Variants in MAP10 observed in about 807,000 individuals in gnomAD.
MAP10 encodes the protein microtubule associated protein 10, also known as microtubule-associated protein 10.
In MAP10, 10 loss-of-function variants were observed where a neutral mutation model predicts 6.3. The ratio of observed to expected loss-of-function variants is 1.58; its 90% CI spans 0.98 to 2.69. The LOEUF is 2.69. MAP10 is among the 30% of genes most tolerant of loss of function. The pLI is 0.00. For synonymous variants in MAP10, 459 were observed against 429.3 expected (o/e 1.07, Z -0.86); for missense variants, 1,189 against 1,086.5 (o/e 1.09, Z -1.33).
In MAP10 at chr1:232,807,028, A is replaced by C. The variant is rs1666117873; in HGVS notation, c.1579A>C (p.Arg527=). The C allele has an allele frequency of 1.2e-6, 2 of 1,613,124 alleles. No homozygotes were observed. Among genetic ancestry groups the C allele is most frequent in the African/African-American group, 1.3e-5 (1 of 74,870 alleles). ...TGAAAAAAGAGAACTATATAGAAAAAGACAATCACAAATGTTGGGTACAAA... is the reference window on the plus strand; with the variant it reads ...TGAAAAAAGAGAACTATATAGAAAACGACAATCACAAATGTTGGGTACAAA... ...VHEKRELYRK[R]QSQMLGTKFR... is the part of the protein sequence containing the mutation. Residue 527 remains arginine, a synonymous_variant, in exon 1 of 1, where the codon AGA becomes CGA. Coordinates refer to ENST00000418460, the MANE Select transcript of MAP10 (RefSeq NM_019090.3).
rs1666131794 is a variant in MAP10 at position 232,807,653 on chromosome 1, C to G, written c.2204C>G (p.Pro735Arg). Residue 735 changes from proline to arginine, a missense_variant, in exon 1 of 1, where the codon CCA becomes CGA. Coordinates refer to ENST00000418460, the MANE Select transcript of MAP10 (RefSeq NM_019090.3). ...GATAGCAGTTCAAGGACAGAAAATCCAAAACATAGTCAATATACAAGCAAG... is the reference window on the plus strand; with the variant it reads ...GATAGCAGTTCAAGGACAGAAAATCGAAAACATAGTCAATATACAAGCAAG... ...AHDSSSRTEN[P>R]KHSQYTSKSS... 1 of 1,611,162 alleles carries G rather than the reference C, an allele frequency of 6.2e-7. No individual in the cohort carries two copies. Among genetic ancestry groups the G allele is most frequent in the Non-Finnish European group, 8.5e-7 (1 of 1,178,532 alleles).
At position 232,807,435 on chromosome 1, in the gene MAP10, G is replaced by A. The variant is rs1160735621; in HGVS notation, c.1986G>A (p.Lys662=). The change falls in exon 1 of 1, where the codon AAG becomes AAA. Residue 662 remains lysine (K), a synonymous_variant. Transcript: ENST00000418460. The part of the protein sequence containing the change: ...QDAVVDRIVD[K]EIDIRQVKTT... ...CTGTTGTTGACAGAATTGTAGATAAGGAAATAGATATTAGACAGGTCAAAA... is the reference window on the plus strand; with the variant it reads ...CTGTTGTTGACAGAATTGTAGATAAAGAAATAGATATTAGACAGGTCAAAA... 1.2e-6 allele frequency: 2 copies of A among 1,613,726 alleles called. No individual in the cohort carries two copies. The highest frequency in any genetic ancestry group is 1.7e-6 in the Non-Finnish European group (2 of 1,179,806).
the MAP10 span, chr1:232,806,957 TAA>T: frequency 6.2e-7 from 1 of 1,612,458 alleles, no homozygotes; most frequent in Non-Finnish European, 8.5e-7. Flanking sequence ...ACAAATACAC[TAA>T]GACTACGTTT....
chr1:232,806,086 C>T, the MAP10 span: 1 of 1,613,814 alleles, frequency 6.2e-7, no homozygotes, highest in African/African-American at 1.3e-5. Context: ...CCAAACCCAG[C>T]AGGAAAGACA....
Position 232,805,664 on chromosome 1 carries a change from C to T in MAP10, c.215C>T (p.Pro72Leu), listed in dbSNP as rs773892733. 12 of 1,596,866 alleles carry T rather than the reference C, an allele frequency of 7.5e-6. No homozygotes were observed. The highest frequency in any genetic ancestry group is 1.1e-5 in the South Asian group (1 of 89,428). Residue 72 changes from proline to leucine, a missense_variant, in exon 1 of 1, where the codon CCT (proline) becomes CTT (leucine). Transcript: ENST00000418460. The part of the protein sequence containing the change: ...LDFPTLLVYP[P>L]DGPGAPAAEP... ...TTCCCCACGCTGTTGGTTTACCCTCCTGACGGCCCCGGCGCTCCCGCCGCC... is the reference window on the plus strand; with the variant it reads ...TTCCCCACGCTGTTGGTTTACCCTCTTGACGGCCCCGGCGCTCCCGCCGCC...
chr1:232,805,562 A>G lies in MAP10; in HGVS notation c.113A>G (p.Glu38Gly), dbSNP rs769131375. The G allele has an allele frequency of 2.4e-5, 37 of 1,557,722 alleles. No homozygotes were observed. The East Asian group carries it at 5.8e-4, about 24-fold the overall frequency. Residue 38 changes from glutamate (E) to glycine (G), a missense_variant, in exon 1 of 1, where the codon GAA (glutamate) becomes GGA (glycine). Transcript: ENST00000418460. ...GCTGCCGCAGTGGAGCAGGAGGAGG[A>G]AGAGGAGGAAAAGGAGCAGGGGGAG... ...SPAAAVEQEE[E>G]EEEKEQGEAS... is the part of the protein sequence containing the mutation.
the MAP10 span, chr1:232,805,468 G>T: frequency 6.2e-7 from 1 of 1,600,750 alleles, no homozygotes; most frequent in East Asian, 2.3e-5. Flanking sequence ...CTCGCTGTCC[G>T]AGCGGCTCTT....
At position 232,805,768 on chromosome 1, in the gene MAP10, C is replaced by T. The variant is rs927124914; in HGVS notation, c.319C>T (p.Arg107Trp). The T allele has an allele frequency of 8.7e-6, 14 of 1,600,420 alleles. No homozygotes were observed. The highest frequency in any genetic ancestry group is 1.3e-5 in the African/African-American group (1 of 74,726). The change falls in exon 1 of 1, where the codon CGG becomes TGG. Residue 107 changes from arginine (R) to tryptophan (W), a missense_variant. By Grantham distance (101) the Arg-to-Trp change is moderately radical. Transcript: ENST00000418460. The stretch of plus-strand genomic sequence containing the variant: ...CCTGCAGCCTGCTACCCTGCACTGC[C>T]GGCTCCTGCGGACCCCGCTTGCCAC... ...FRLQPATLHC[R>W]LLRTPLATLL... is the part of the protein sequence containing the mutation.
Position 232,806,429 on chromosome 1 carries a change from T to C in MAP10, c.980T>C (p.Met327Thr). Reference sequence around the variant, plus strand: ...GCTAAAATCACCATTGAGCCTCAAATGAATGCACCTGAGGAAATGGATGAT... The same window carrying C: ...GCTAAAATCACCATTGAGCCTCAAACGAATGCACCTGAGGAAATGGATGAT... ...AQAKITIEPQ[M>T]NAPEEMDDAS... Residue 327 changes from methionine to threonine, a missense_variant, in exon 1 of 1, where the codon ATG becomes ACG. Transcript: ENST00000418460. The C allele has an allele frequency of 6.2e-7, 1 of 1,613,824 alleles. No homozygotes were observed. The highest frequency in any genetic ancestry group is 2.2e-5 in the East Asian group (1 of 44,858).
the MAP10 span, chr1:232,807,400 C>T: frequency 6.2e-7 from 1 of 1,613,712 alleles, no homozygotes; most frequent in South Asian, 1.1e-5. Context: ...ATGTGTTTTC[C>T]AACAGGATGC....
In MAP10 at chr1:232,806,468, AAAAGCGTGT is replaced by A. The variant is rs765887159; in HGVS notation, c.1023_1031del (p.Lys341_Val343del). 6.2e-7 allele frequency: 1 copy of A among 1,613,958 alleles called. No individual in the cohort carries two copies. The highest frequency in any genetic ancestry group is 8.5e-7 in the Non-Finnish European group (1 of 1,179,898). The stretch of plus-strand genomic sequence containing the variant: ...GAAATGGATGATGCTTCTCCTGAAA[AAAAGCGTGT>A]AAATCCCCCAGCACACAGGAGTTGT... On this transcript the variant is annotated inframe_deletion, in exon 1 of 1. Coordinates refer to ENST00000418460, the MANE Select transcript of MAP10 (RefSeq NM_019090.3).
chr1:232,805,703 G>A lies in MAP10; in HGVS notation c.254G>A (p.Gly85Asp). 1 of 1,604,442 alleles carries A rather than the reference G, an allele frequency of 6.2e-7. No homozygotes were observed. The highest frequency in any genetic ancestry group is 8.5e-7 in the Non-Finnish European group (1 of 1,179,252). The change falls in exon 1 of 1, where the codon GGT (glycine) becomes GAT (aspartate). Residue 85 changes from glycine (G) to aspartate (D), a missense_variant. By Grantham distance (94) the Gly-to-Asp change is moderately conservative. Transcript: ENST00000418460. The part of the protein sequence containing the change: ...PGAPAAEPWP[G>D]VIRFGRGKSC... ...GCTCCCGCCGCCGAACCGTGGCCCG[G>A]TGTCATCCGCTTCGGTCGCGGCAAG...
Position 232,806,653 on chromosome 1 carries a change from T to A in MAP10, c.1204T>A (p.Leu402Ile), listed in dbSNP as rs1484667400. The change falls in exon 1 of 1, where the codon TTA becomes ATA. Residue 402 changes from leucine to isoleucine, a missense_variant. Physicochemically the swap from Leu to Ile is conservative, Grantham distance 5 (BLOSUM62 2). Transcript: ENST00000418460. ...GCAGTTGCCTTTGTTAAATGCTTTG[T>A]TAGTTGAGTTGTCCTTGTTATATGA... ...IRQLPLLNALLVELSLLYDQP... is the reference protein window; with the variant it reads ...IRQLPLLNALIVELSLLYDQP... The A allele has an allele frequency of 6.2e-7, 1 of 1,613,852 alleles. No individual in the cohort carries two copies. The highest frequency in any genetic ancestry group is 1.7e-5 in the Admixed American group (1 of 60,012).
chr1:232,805,961 G>A lies in MAP10; in HGVS notation c.512G>A (p.Arg171Gln), dbSNP rs771973627. 9 of 1,613,188 alleles carry A rather than the reference G, an allele frequency of 5.6e-6. No homozygotes were observed. In the South Asian group the frequency reaches 8.8e-5, roughly 16 times the overall value. Residue 171 changes from arginine (R) to glutamine (Q), a missense_variant, in exon 1 of 1, where the codon CGG becomes CAG. Physicochemically the swap from Arg to Gln is conservative, Grantham distance 43 (BLOSUM62 1). Coordinates refer to ENST00000418460, the MANE Select transcript of MAP10 (RefSeq NM_019090.3). ...RFPLHNRVGE[R>Q]TGDIALAYRL... is the part of the protein sequence containing the mutation. Reference sequence around the variant, plus strand: ...CCCCTGCATAATCGAGTGGGCGAGCGGACTGGGGACATTGCACTGGCCTAC... The same window carrying A: ...CCCCTGCATAATCGAGTGGGCGAGCAGACTGGGGACATTGCACTGGCCTAC...
At position 232,808,270 on chromosome 1, in the gene MAP10, G is replaced by T. The variant is rs1023129391; in HGVS notation, c.*103G>T. 4.6e-6 allele frequency: 3 copies of T among 648,706 alleles called. No homozygotes were observed. The highest frequency in any genetic ancestry group is 7.2e-6 in the Non-Finnish European group (3 of 415,440). 40.2% of individuals were successfully genotyped at this position (648,706 alleles called of 1,614,324 possible). On this transcript the variant is annotated 3_prime_UTR_variant, in exon 1 of 1. Transcript: ENST00000418460. The stretch of plus-strand genomic sequence containing the variant: ...TGAATTATGTGAATAATTTTTTAAA[G>T]AAATATGAATTAACGTTATTCCTTT...
rs1666153919 is a variant in MAP10, at chr1:232,809,018, A to G, written c.*851A>G. Among the ~76,000 whole-genome samples the G allele has an allele frequency of 6.6e-6, 1 of 152,116 alleles. No homozygotes were observed. Among genetic ancestry groups the G allele is most frequent in the African/African-American group, 2.4e-5 (1 of 41,438 alleles). Reference sequence around the variant, plus strand: ...TAATATTTCTGTTTTGCTTGGTATAAATAGCCTTCAGGTGTTCTCTGAAAT... The same window carrying G: ...TAATATTTCTGTTTTGCTTGGTATAGATAGCCTTCAGGTGTTCTCTGAAAT... On this transcript the variant is annotated 3_prime_UTR_variant, in exon 1 of 1. Transcript: ENST00000418460.
chr1:232,807,336 G>A lies in MAP10; in HGVS notation c.1887G>A (p.Arg629=), dbSNP rs1474259869. 6.2e-7 allele frequency: 1 copy of A among 1,613,892 alleles called. No homozygotes were observed. The highest frequency in any genetic ancestry group is 8.5e-7 in the Non-Finnish European group (1 of 1,179,824). The change falls in exon 1 of 1, where the codon AGG becomes AGA. Residue 629 remains arginine, a synonymous_variant. Transcript: ENST00000418460. Reference sequence around the variant, plus strand: ...CTGCAAATTCCATTATTCCAGAAAGGCTTACCCCTACAAATATTCTGGGAG... The same window carrying A: ...CTGCAAATTCCATTATTCCAGAAAGACTTACCCCTACAAATATTCTGGGAG... ...VSPANSIIPE[R]LTPTNILGGN... is the part of the protein sequence containing the mutation.
rs766365482 is a variant in MAP10, at chr1:232,808,777, G to A, written c.*610G>A. Among the ~76,000 whole-genome samples the A allele has an allele frequency of 2.0e-5, 3 of 152,096 alleles. No individual in the cohort carries two copies. The highest frequency in any genetic ancestry group is 2.9e-5 in the Non-Finnish European group (2 of 67,974). On this transcript the variant is annotated 3_prime_UTR_variant, in exon 1 of 1. Coordinates refer to ENST00000418460, the MANE Select transcript of MAP10 (RefSeq NM_019090.3). ...GTTTATCTTCCACTAGGCTTCAGTT[G>A]TGTGATGGGATCATATTTGTTTTAC...
At position 232,808,042 on chromosome 1, in the gene MAP10, C is replaced by T. The variant is rs1272959488; in HGVS notation, c.2593C>T (p.Leu865=). ...TTCAAATGTGTCCGAACTTAATGTC[C>T]TGGATAGCAGTACATCAGATCACTT... ...LPSNVSELNV[L]DSSTSDHFEE... is the part of the protein sequence containing the mutation. Residue 865 remains leucine (L), a synonymous_variant, in exon 1 of 1, where the codon CTG becomes TTG. Transcript: ENST00000418460. 1 of 1,613,118 alleles carries T rather than the reference C, an allele frequency of 6.2e-7. No individual in the cohort carries two copies. The highest frequency in any genetic ancestry group is 1.1e-5 in the South Asian group (1 of 90,976).
Sources: gnomAD v4.1 joint callset for allele counts (sites outside exome capture counted in the v4.1 genomes callset) on GRCh38, gnomAD v4.1.1 for gene constraint, MANE v1.5 for transcripts, NCBI Gene and HGNC (gene_info 2026-07-23, HGNC 2026-07-21) for gene names.